Variants in USP34 observed in about 807,000 individuals in gnomAD.
USP34 encodes the protein ubiquitin specific peptidase 34.
USP34 carries 70 observed loss-of-function variants against 460.3 expected under a neutral mutation model. That is an observed-to-expected ratio of 0.15 (90% confidence interval 0.13 to 0.19). The LOEUF is 0.19. Ranked by LOEUF, USP34 falls within the 10% of genes least tolerant of loss-of-function variation. USP34 has a pLI of 1.00. For synonymous variants in USP34, 1,647 were observed against 1,405.3 expected (o/e 1.17, Z -3.85); for missense variants, 3,985 against 4,236.2 (o/e 0.94, Z 1.65).
chr2:61,210,719 CTTTT>C (rs919387936), intron 69 of USP34, among the ~76,000 whole-genome samples: 2 of 151,850 alleles, frequency 1.3e-5, no homozygotes, highest in African/African-American at 4.8e-5. Context: ...AGCTCCAAAT[CTTTT>C]TTTTCTTTTT....
chr2:61,404,307 C>A (rs1314440954), intron 3 of USP34, among the ~76,000 whole-genome samples: 2 of 152,016 alleles, frequency 1.3e-5, no homozygotes, highest in African/African-American at 2.4e-5. Flanking sequence ...TCTCTAATGG[C>A]CATAATTCTT....
At chr2:61,198,265 A>C (rs1686866409) in intron 75 of USP34, among the ~76,000 whole-genome samples, 2 of 152,146 alleles carry the variant, frequency 1.3e-5, no homozygotes, top group Non-Finnish European at 2.9e-5. Context: ...AAGAATGTTT[A>C]TATTCTGCAT....
intron 70 of USP34, chr2:61,207,853 C>T (rs1366845450): frequency 2.0e-5 from 3 of 152,088 alleles, no homozygotes; most frequent in Non-Finnish European, 4.4e-5. Flanking sequence ...TGTTTTCCCC[C>T]TTACCTTTGC....
Position 61,241,838 on chromosome 2 carries a change from G to C in USP34, c.6628-19C>G. 7.0e-7 allele frequency: 1 copy of C among 1,427,588 alleles called. No homozygotes were observed. The highest frequency in any genetic ancestry group is 9.4e-7 in the Non-Finnish European group (1 of 1,059,416). 88.4% of individuals were successfully genotyped at this position (1,427,588 alleles called of 1,614,324 possible). A position where few individuals can be genotyped will look rare whatever the true frequency, so the allele number is the denominator to read the frequency against. Reference sequence around the variant, plus strand: ...TCTTGGTCTGTTTAAAAATACAAAAGTTTTACTTCTTTGAAAAAATGGGTA... The same window carrying C: ...TCTTGGTCTGTTTAAAAATACAAAACTTTTACTTCTTTGAAAAAATGGGTA... On this transcript the variant is annotated intron_variant, in intron 51 of 79. Transcript: ENST00000398571.
rs1687109481 is a variant in USP34 at position 61,206,051 on chromosome 2, G to C, written c.9120C>G (p.Ser3040=). ...FAHKLLTLLN[S]YSPPELRNAC... is the part of the protein sequence containing the mutation. ...CATTTCTAAGTTCTGGAGGACTATAGGAATTAAGAAGAGTTAACAGTTTAT... is the reference window on the plus strand; with the variant it reads ...CATTTCTAAGTTCTGGAGGACTATACGAATTAAGAAGAGTTAACAGTTTAT... The change falls in exon 72 of 80, where the codon TCC becomes TCG. Residue 3040 remains serine, a synonymous_variant. Coordinates refer to ENST00000398571, the MANE Select transcript of USP34 (RefSeq NM_014709.4). 3.7e-6 allele frequency: 6 copies of C among 1,613,584 alleles called. No individual in the cohort carries two copies. Among genetic ancestry groups the C allele is most frequent in the Admixed American group, 1.7e-5 (1 of 60,000 alleles).
intron 10 of USP34, among the ~76,000 whole-genome samples, chr2:61,365,777 G>A (rs1193833247): frequency 2.0e-5 from 3 of 152,036 alleles, no homozygotes; most frequent in African/African-American, 7.2e-5. Flanking sequence ...ATAAAAACTG[G>A]GAGGTGGAAA....
intron 1 of USP34, among the ~76,000 whole-genome samples, chr2:61,460,357 C>A (rs1183603485): frequency 6.6e-6 from 1 of 152,112 alleles, no homozygotes; most frequent in African/African-American, 2.4e-5. Flanking sequence ...TGCAACCTAC[C>A]CATTAAGTCA....
chr2:61,365,089 T>C (rs546385434), intron 10 of USP34, among the ~76,000 whole-genome samples: 2 of 151,850 alleles, frequency 1.3e-5, no homozygotes, highest in South Asian at 4.2e-4. Flanking sequence ...CCGTCTCTAC[T>C]AAAACTACAA....
At chr2:61,196,816 A>C (rs1686824221) in intron 75 of USP34, among the ~76,000 whole-genome samples, 1 of 152,146 alleles carries the variant, frequency 6.6e-6, no homozygotes, top group Non-Finnish European at 1.5e-5. Context: ...TACAGGTGTG[A>C]GTCATCACAT....
intron 10 of USP34, among the ~76,000 whole-genome samples, chr2:61,358,407 G>T (rs927781742): frequency 6.6e-6 from 1 of 151,812 alleles, no homozygotes; most frequent in Non-Finnish European, 1.5e-5. Flanking sequence ...AATTGTACAC[G>T]AGAAAATTGG....
In USP34 at chr2:61,213,068, C is replaced by T. The variant is rs1214109759; in HGVS notation, c.8682+992G>A. ...TTGAGACAGAGTCTTGCTTTGTTGCCCAGGGTGCAGTACAATGTCTCAATG... is the reference window on the plus strand; with the variant it reads ...TTGAGACAGAGTCTTGCTTTGTTGCTCAGGGTGCAGTACAATGTCTCAATG... On this transcript the variant is annotated intron_variant, in intron 68 of 79. Coordinates refer to ENST00000398571, the MANE Select transcript of USP34 (RefSeq NM_014709.4). 8.6e-5 allele frequency among the ~76,000 whole-genome samples: 13 copies of T among 151,996 alleles called. No homozygotes were observed. In the East Asian group the frequency reaches 2.3e-3, roughly 27 times the overall value.
At chr2:61,223,018 TA>T (rs1687632056) in intron 64 of USP34, 41 bp downstream of exon 64, 2 of 1,542,196 alleles carry the variant, frequency 1.3e-6, no homozygotes, top group Non-Finnish European at 1.8e-6. Flanking sequence ...TATTCTTTTT[TA>T]AAATTTCCAA....
Position 61,251,142 on chromosome 2 carries a change from A to T in USP34, c.6222-2459T>A, listed in dbSNP as rs144771936. The stretch of plus-strand genomic sequence containing the variant: ...GATCAAGCGAGACTCCATCTCAAAA[A>T]AAATAAATAAATAAATAAGTAAATA... On this transcript the variant is annotated intron_variant, in intron 48 of 79. Transcript: ENST00000398571. Among the ~76,000 whole-genome samples the T allele has an allele frequency of 1.9e-3, 293 of 152,328 alleles. 1 individual carries two copies. Among genetic ancestry groups the T allele is most frequent in the East Asian group, 0.018 (92 of 5,192 alleles).
intron 48 of USP34, among the ~76,000 whole-genome samples, chr2:61,254,024 C>T (rs574336091): frequency 1.1e-4 from 17 of 152,308 alleles, no homozygotes; most frequent in African/African-American, 3.6e-4. Context: ...CATGTGCCAC[C>T]GTGCCTGGCC....
chr2:61,245,188 A>G (rs1558487990), intron 51 of USP34, 22 bp downstream of exon 51: 4 of 1,591,534 alleles, frequency 2.5e-6, no homozygotes, highest in Non-Finnish European at 3.4e-6. Context: ...CAAACCATTT[A>G]TAATTTCTGA....
intron 77 of USP34, 50 bp from the exon 78 acceptor site, chr2:61,190,464 C>G: frequency 6.2e-7 from 1 of 1,602,910 alleles, no homozygotes; most frequent in Non-Finnish European, 8.5e-7. Context: ...ATAATGAAAC[C>G]ACAAGCATTA....
intron 42 of USP34, chr2:61,265,769 C>G (rs1689027707): frequency 1.5e-6 from 1 of 684,456 alleles, no homozygotes; most frequent in Non-Finnish European, 2.1e-6. Flanking sequence ...TACTTGGCCC[C>G]AAATTACTTT....
At chr2:61,194,517 G>C (rs758369791) in intron 75 of USP34, among the ~76,000 whole-genome samples, 4 of 152,212 alleles carry the variant, frequency 2.6e-5, no homozygotes, top group Non-Finnish European at 4.4e-5. Context: ...CTTTGAGACA[G>C]ACAGTGTCTT....
chr2:61,458,458 G>C (rs1225444526), intron 1 of USP34, among the ~76,000 whole-genome samples: 1 of 151,546 alleles, frequency 6.6e-6, no homozygotes, highest in East Asian at 1.9e-4. Flanking sequence ...CTACTCGGGA[G>C]GCTGAGGCAG....
Sources: gnomAD v4.1 joint callset for allele counts (sites outside exome capture counted in the v4.1 genomes callset) on GRCh38, gnomAD v4.1.1 for gene constraint, MANE v1.5 for transcripts, NCBI Gene and HGNC (gene_info 2026-07-23, HGNC 2026-07-21) for gene names.